Variants in TLR2 observed in about 807,000 individuals in gnomAD.
TLR2 encodes toll like receptor 2, also known as toll-like receptor 2.
TLR2 carries 7 observed loss-of-function variants against 9.1 expected under a neutral mutation model. The ratio of observed to expected loss-of-function variants is 0.77; its 90% CI spans 0.44 to 1.44. The LOEUF (loss-of-function observed/expected upper bound fraction) is 1.44, where lower values mean the gene tolerates loss of function less well. Ranked by LOEUF, TLR2 falls within the 40% of genes most tolerant of loss-of-function variation. The pLI is 0.01. For synonymous variants in TLR2, 317 were observed against 344.6 expected (o/e 0.92, Z 0.89); for missense variants, 812 against 904.6 (o/e 0.90, Z 1.31).
At position 153,704,931 on chromosome 4, in the gene TLR2, A is replaced by G; in HGVS notation, c.2024A>G (p.His675Arg). Reference protein sequence around the residue: ...NFNPPFKLCLHKRDFIPGKWI... With the variant: ...NFNPPFKLCLRKRDFIPGKWI... ...AATCCCCCCTTCAAGTTGTGTCTTC[A>G]TAAGCGGGACTTCATTCCTGGCAAG... is the stretch of plus-strand genomic sequence containing the variant. Residue 675 changes from histidine (H) to arginine (R), a missense_variant, in exon 3 of 3, where the codon CAT becomes CGT. By Grantham distance (29) the His-to-Arg change is conservative. Coordinates refer to ENST00000642700, the MANE Select transcript of TLR2 (RefSeq NM_001318789.2). The G allele has an allele frequency of 1.2e-6, 2 of 1,613,210 alleles. No individual in the cohort carries two copies. The highest frequency in any genetic ancestry group is 1.7e-6 in the Non-Finnish European group (2 of 1,180,026).
At chr4:153,690,165 A>G (rs1347443643) in intron 2 of TLR2, among the ~76,000 whole-genome samples, 2 of 152,198 alleles carry the variant, frequency 1.3e-5, no homozygotes, top group Non-Finnish European at 2.9e-5. Context: ...CTGTTTTTGC[A>G]GCTGGTTTCT....
rs1737246137 is a variant in TLR2, at chr4:153,705,104, A to T, written c.2197A>T (p.Ile733Phe). The change falls in exon 3 of 3, where the codon ATT becomes TTT. Residue 733 changes from isoleucine (I) to phenylalanine (F), a missense_variant. Physicochemically the swap from Ile to Phe is conservative, Grantham distance 21. Coordinates refer to ENST00000642700, the MANE Select transcript of TLR2 (RefSeq NM_001318789.2). ...TTTTGATGAGAACAATGATGCTGCC[A>T]TTCTCATTCTTCTGGAGCCCATTGA... is the stretch of plus-strand genomic sequence containing the variant. ...RLFDENNDAA[I>F]LILLEPIEKK... The T allele has an allele frequency of 6.2e-7, 1 of 1,614,174 alleles. No individual in the cohort carries two copies. The highest frequency in any genetic ancestry group is 8.5e-7 in the Non-Finnish European group (1 of 1,180,030).
Position 153,704,532 on chromosome 4 carries a change from T to G in TLR2, c.1625T>G (p.Leu542Arg), listed in dbSNP as rs1279886099. The change falls in exon 3 of 3, where the codon CTC (leucine) becomes CGC (arginine). Residue 542 changes from leucine (L) to arginine (R), a missense_variant. By Grantham distance (102) the Leu-to-Arg change is moderately radical. Coordinates refer to ENST00000642700, the MANE Select transcript of TLR2 (RefSeq NM_001318789.2). ...AACTTCATTTGCTCCTGTGAATTCC[T>G]CTCCTTCACTCAGGAGCAGCAAGCA... Reference protein sequence around the residue: ...GNNFICSCEFLSFTQEQQALA... With the variant: ...GNNFICSCEFRSFTQEQQALA... 6.2e-7 allele frequency: 1 copy of G among 1,613,944 alleles called. No individual in the cohort carries two copies. The highest frequency in any genetic ancestry group is 1.7e-5 in the Admixed American group (1 of 59,990).
chr4:153,701,033 A>G (rs970439831), intron 2 of TLR2, among the ~76,000 whole-genome samples: 14 of 152,210 alleles, frequency 9.2e-5, no homozygotes, highest in Admixed American at 6.5e-5. Context: ...TAACAAAGAG[A>G]ATATCTTTAT....
chr4:153,703,850 C>T lies in TLR2; in HGVS notation c.943C>T (p.Arg315Trp), dbSNP rs373862755. 1.5e-4 allele frequency: 242 copies of T among 1,613,834 alleles called. No individual in the cohort carries two copies. The highest frequency in any genetic ancestry group is 1.8e-4 in the Non-Finnish European group (212 of 1,179,958). The change falls in exon 3 of 3, where the codon CGG (arginine) becomes TGG (tryptophan). Residue 315 changes from arginine (R) to tryptophan (W), a missense_variant. By Grantham distance (101) the Arg-to-Trp change is moderately radical (BLOSUM62 -3). Transcript: ENST00000642700. Reference protein sequence around the residue: ...DPGKVETLTIRRLHIPRFYLF... With the variant: ...DPGKVETLTIWRLHIPRFYLF... ...AGGTAAAGTGGAAACGTTAACAATC[C>T]GGAGGCTGCATATTCCAAGGTTTTA...
chr4:153,706,272 C>T (rs5743710), downstream of TLR2, among the ~76,000 whole-genome samples: 1,403 of 152,272 alleles, frequency 9.2e-3, 12 homozygotes, highest in African/African-American at 0.032. Context: ...TTCCCACATC[C>T]GGACTCTGGT....
rs571705338 is a variant in TLR2, at chr4:153,699,255, C to T, written c.-16-3637C>T. Reference sequence around the variant, plus strand: ...TATCAATCATAGGCACAGGCAACTCCATGTCCCAGTCAGTAGGAAATAAGA... The same window carrying T: ...TATCAATCATAGGCACAGGCAACTCTATGTCCCAGTCAGTAGGAAATAAGA... On this transcript the variant is annotated intron_variant, in intron 2 of 2. Coordinates refer to ENST00000642700, the MANE Select transcript of TLR2 (RefSeq NM_001318789.2). Among the ~76,000 whole-genome samples the T allele has an allele frequency of 3.3e-5, 5 of 152,280 alleles. No individual in the cohort carries two copies. In the East Asian group the frequency reaches 7.7e-4, roughly 24 times the overall value.
intron 2 of TLR2, among the ~76,000 whole-genome samples, chr4:153,695,905 T>A (rs938159682): frequency 6.6e-6 from 1 of 152,212 alleles, no homozygotes; most frequent in African/African-American, 2.4e-5. Flanking sequence ...TATCTACTTT[T>A]CCCAGTACCA....
intron 2 of TLR2, among the ~76,000 whole-genome samples, chr4:153,696,657 A>G (rs914221460): frequency 1.3e-5 from 2 of 152,224 alleles, no homozygotes; most frequent in Non-Finnish European, 2.9e-5. Flanking sequence ...ATGAGAAGGC[A>G]CATGCTTCTA....
At chr4:153,691,824 A>T (rs1040879200) in intron 2 of TLR2, among the ~76,000 whole-genome samples, 2 of 152,154 alleles carry the variant, frequency 1.3e-5, no homozygotes, top group Non-Finnish European at 2.9e-5. Flanking sequence ...TGGTAGTGTC[A>T]TTTACTAAGG....
chr4:153,686,262 A>C (rs777782971), intron 1 of TLR2, among the ~76,000 whole-genome samples: 4 of 152,182 alleles, frequency 2.6e-5, no homozygotes, highest in Non-Finnish European at 5.9e-5. Context: ...TCCACCTCTC[A>C]ACACTGTTGC....
chr4:153,695,181 A>G lies in TLR2; in HGVS notation c.-17+7134A>G, dbSNP rs552862502. On this transcript the variant is annotated intron_variant, in intron 2 of 2. Coordinates refer to ENST00000642700, the MANE Select transcript of TLR2 (RefSeq NM_001318789.2). ...TATATTGATTTCCTTTATTTTGGGT[A>G]TATACCTAGCAGTGGGATTGCTGGA... 2.0e-5 allele frequency among the ~76,000 whole-genome samples: 3 copies of G among 152,302 alleles called. No homozygotes were observed. The East Asian group carries it at 5.8e-4, about 29-fold the overall frequency.
chr4:153,689,231 A>G (rs926827101), intron 2 of TLR2, among the ~76,000 whole-genome samples: 19 of 152,224 alleles, frequency 1.2e-4, no homozygotes, highest in African/African-American at 4.1e-4. Flanking sequence ...GTCTTATTTA[A>G]GAGCCATTAA....
At position 153,704,814 on chromosome 4, in the gene TLR2, G is replaced by A. The variant is rs770898184; in HGVS notation, c.1907G>A (p.Ser636Asn). The A allele has an allele frequency of 3.7e-6, 6 of 1,614,062 alleles. No individual in the cohort carries two copies. In the Admixed American group the frequency reaches 6.7e-5, roughly 18 times the overall value. Reference sequence around the variant, plus strand: ...AAAAGGAAGCCCAGGAAAGCTCCCAGCAGGAACATCTGCTATGATGCATTT... The same window carrying A: ...AAAAGGAAGCCCAGGAAAGCTCCCAACAGGAACATCTGCTATGATGCATTT... ...QAKRKPRKAP[S>N]RNICYDAFVS... is the part of the protein sequence containing the mutation. Residue 636 changes from serine to asparagine, a missense_variant, in exon 3 of 3, where the codon AGC becomes AAC. Transcript: ENST00000642700.
At chr4:153,695,866 A>G (rs1283328847) in intron 2 of TLR2, among the ~76,000 whole-genome samples, 1 of 152,134 alleles carries the variant, frequency 6.6e-6, no homozygotes, top group South Asian at 2.1e-4. Flanking sequence ...ATGGCAAGAT[A>G]TAGGGGTCTA....
In TLR2 at chr4:153,703,672, A is replaced by G. The variant is rs376758338; in HGVS notation, c.765A>G (p.Thr255=). The G allele has an allele frequency of 1.1e-5, 18 of 1,612,820 alleles. No homozygotes were observed. Among genetic ancestry groups the G allele is most frequent in the Non-Finnish European group, 1.3e-5 (15 of 1,179,720 alleles). Residue 255 remains threonine, a synonymous_variant, in exon 3 of 3, where the codon ACA becomes ACG. Transcript: ENST00000642700. ...GETNSLIKKF[T]FRNVKITDES... is the part of the protein sequence containing the mutation. ...CAAATTCATTGATTAAAAAGTTTAC[A>G]TTTAGAAATGTGAAAATCACCGATG...
chr4:153,690,969 G>A (rs185767977), intron 2 of TLR2, among the ~76,000 whole-genome samples: 18 of 152,330 alleles, frequency 1.2e-4, no homozygotes, highest in African/African-American at 3.4e-4. Context: ...AGTCATAACT[G>A]AGCATTTTCA....
At chr4:153,701,573 T>C (rs1578997029) in intron 2 of TLR2, 1 of 152,178 alleles carries the variant, frequency 6.6e-6, no homozygotes, top group East Asian at 1.9e-4. Context: ...CAGAAGCTTT[T>C]GGAGATGATG....
intron 2 of TLR2, among the ~76,000 whole-genome samples, chr4:153,689,480 G>A (rs1485803230): frequency 6.6e-6 from 1 of 152,160 alleles, no homozygotes; most frequent in Non-Finnish European, 1.5e-5. Flanking sequence ...GATTCCATAG[G>A]AATCACTGCG....
Sources: allele counts gnomAD v4.1 joint callset (sites outside exome capture counted in the v4.1 genomes callset), GRCh38; gene constraint gnomAD v4.1.1; transcripts MANE v1.5; gene names NCBI Gene and HGNC (gene_info 2026-07-23, HGNC 2026-07-21).